LRRC4C: variants seen among roughly 807,000 people sequenced by gnomAD.
LRRC4C encodes leucine rich repeat containing 4C.
In LRRC4C, 5 loss-of-function variants were observed where a neutral mutation model predicts 33.6. The ratio of observed to expected loss-of-function variants is 0.15; its 90% CI spans 0.08 to 0.31. The LOEUF is 0.31. Among genes scored for constraint, LRRC4C ranks in the 10% least tolerant of loss-of-function variants. The pLI is 1.00. For missense variants in LRRC4C, 560 were observed against 796.7 expected (o/e 0.70, Z 3.58); for synonymous variants, 329 against 302.0 (o/e 1.09, Z -0.93).
chr11:40,234,764 C>T (rs531459016), intron 5 of LRRC4C, among the ~76,000 whole-genome samples: 4 of 152,198 alleles, frequency 2.6e-5, no homozygotes, highest in Admixed American at 6.5e-5. Context: ...GAGAGAAACC[C>T]TGTCTTAAAA....
chr11:40,123,728 G>GA (rs971174631), intron 6 of LRRC4C, among the ~76,000 whole-genome samples: 9 of 151,180 alleles, frequency 6.0e-5, no homozygotes, highest in South Asian at 4.2e-4. Context: ...CACAGAAATA[G>GA]AAAAAAAAAT....
At chr11:40,795,015 T>C (rs766110694) in intron 2 of LRRC4C, among the ~76,000 whole-genome samples, 13 of 152,200 alleles carry the variant, frequency 8.5e-5, no homozygotes, top group Non-Finnish European at 1.6e-4. Context: ...AGAGAACTTC[T>C]CTAAGCCAAA....
intron 5 of LRRC4C, among the ~76,000 whole-genome samples, chr11:40,240,881 T>C (rs1252919300): frequency 6.6e-6 from 1 of 152,112 alleles, no homozygotes; most frequent in East Asian, 1.9e-4. Flanking sequence ...TATAGGAAAT[T>C]GTCAACCATT....
At chr11:40,919,204 A>G (rs1255853268) in intron 2 of LRRC4C, among the ~76,000 whole-genome samples, 1 of 152,110 alleles carries the variant, frequency 6.6e-6, no homozygotes, top group Non-Finnish European at 1.5e-5. Flanking sequence ...GCAGGGTTGG[A>G]AGGGACCTAA....
chr11:40,735,076 A>T (rs1947791719), intron 2 of LRRC4C, among the ~76,000 whole-genome samples: 2 of 152,162 alleles, frequency 1.3e-5, no homozygotes. Flanking sequence ...CAGGACTCAA[A>T]TCAGTGACCT....
At chr11:40,299,918 T>C (rs1944688192) in intron 4 of LRRC4C, among the ~76,000 whole-genome samples, 1 of 152,190 alleles carries the variant, frequency 6.6e-6, no homozygotes, top group Non-Finnish European at 1.5e-5. Context: ...AAATAGAAAC[T>C]GTATTAGGCT....
chr11:41,326,049 T>C (rs190085677), intron 1 of LRRC4C, among the ~76,000 whole-genome samples: 1 of 152,074 alleles, frequency 6.6e-6, no homozygotes, highest in East Asian at 1.9e-4. Context: ...TTCTTGGGTG[T>C]GTCTGTGAGG....
chr11:40,649,958 T>C (rs563274267), intron 2 of LRRC4C, among the ~76,000 whole-genome samples: 1 of 152,330 alleles, frequency 6.6e-6, no homozygotes, highest in East Asian at 1.9e-4. Context: ...GAATACCATA[T>C]TCTCTTGTTT....
intron 1 of LRRC4C, among the ~76,000 whole-genome samples, chr11:41,011,752 C>T (rs186906500): frequency 2.0e-5 from 3 of 149,108 alleles, no homozygotes; most frequent in African/African-American, 7.4e-5. Flanking sequence ...GCTATGTAGC[C>T]TTTGTGGGTC....
intron 5 of LRRC4C, among the ~76,000 whole-genome samples, chr11:40,174,570 A>G (rs932667679): frequency 6.6e-6 from 1 of 152,022 alleles, no homozygotes; most frequent in African/African-American, 2.4e-5. Context: ...GTGCGTTATT[A>G]TTTTTCTGCA....
At chr11:41,033,151 A>T (rs1307233955) in intron 1 of LRRC4C, among the ~76,000 whole-genome samples, 3 of 151,968 alleles carry the variant, frequency 2.0e-5, no homozygotes, top group African/African-American at 7.3e-5. Flanking sequence ...CTGGCTTGTT[A>T]CGTGCTTAGG....
At chr11:41,047,420 A>G (rs1213802732) in intron 1 of LRRC4C, among the ~76,000 whole-genome samples, 1 of 152,192 alleles carries the variant, frequency 6.6e-6, no homozygotes, top group Non-Finnish European at 1.5e-5. Context: ...TGATGCAACT[A>G]CTATGGAAAA....
At chr11:40,294,665 A>C (rs545705955) in intron 4 of LRRC4C, among the ~76,000 whole-genome samples, 2 of 151,788 alleles carry the variant, frequency 1.3e-5, no homozygotes, top group Non-Finnish European at 2.9e-5. Context: ...CGTCCCTACT[A>C]AAAATACAAA....
chr11:40,130,490 TAAC>T (rs1160281861), intron 6 of LRRC4C, among the ~76,000 whole-genome samples: 1 of 152,188 alleles, frequency 6.6e-6, no homozygotes, highest in Non-Finnish European at 1.5e-5. Context: ...AGACTTAGTG[TAAC>T]AACACATGGG....
chr11:40,527,353 A>G (rs1591008570), intron 3 of LRRC4C, among the ~76,000 whole-genome samples: 1 of 152,202 alleles, frequency 6.6e-6, no homozygotes, highest in Non-Finnish European at 1.5e-5. Flanking sequence ...AAATGGTGAT[A>G]AAAATGATGA....
In LRRC4C at chr11:40,955,401, C is replaced by T. The variant is rs552650541; in HGVS notation, c.-495-21678G>A. Reference sequence around the variant, plus strand: ...TTAGAATTGTCTTTCTCCAAAATGTCCTGTGACTTATTTGTTTTCTTCATC... The same window carrying T: ...TTAGAATTGTCTTTCTCCAAAATGTTCTGTGACTTATTTGTTTTCTTCATC... On this transcript the variant is annotated intron_variant, in intron 1 of 6. Transcript: ENST00000528697. Among the ~76,000 whole-genome samples the T allele has an allele frequency of 2.2e-4, 33 of 151,754 alleles. 1 individual carries two copies. The South Asian group carries it at 5.8e-3, about 27-fold the overall frequency.
intron 3 of LRRC4C, among the ~76,000 whole-genome samples, chr11:40,497,712 T>C (rs1185330486): frequency 3.3e-5 from 5 of 152,156 alleles, no homozygotes; most frequent in Admixed American, 1.3e-4. Flanking sequence ...CAGAATTATT[T>C]TGTGCTCTTA....
chr11:41,339,208 C>A (rs551189473), intron 1 of LRRC4C, among the ~76,000 whole-genome samples: 1 of 152,190 alleles, frequency 6.6e-6, no homozygotes, highest in South Asian at 2.1e-4. Flanking sequence ...ATATTAGAGG[C>A]ACAATGAAGA....
intron 1 of LRRC4C, among the ~76,000 whole-genome samples, chr11:41,433,834 TGC>T (rs1473455513): frequency 4.6e-5 from 7 of 151,582 alleles, no homozygotes; most frequent in Non-Finnish European, 7.4e-5. Flanking sequence ...TACATATATA[TGC>T]GTATATATAT....
Sources: gnomAD v4.1 joint callset for allele counts (sites outside exome capture counted in the v4.1 genomes callset) on GRCh38, gnomAD v4.1.1 for gene constraint, MANE v1.5 for transcripts, NCBI Gene and HGNC (gene_info 2026-07-23, HGNC 2026-07-21) for gene names.